The following TTLL10 variants were observed in gnomAD, a reference collection of about 807,000 sequenced individuals.
TTLL10 encodes inactive polyglycylase TTLL10.
A neutral mutation model predicts 69.0 loss-of-function variants in TTLL10; 61 were observed. That is an observed-to-expected ratio of 0.88 (90% confidence interval 0.72 to 1.09). The LOEUF is 1.09. Among genes scored for constraint, TTLL10 ranks in the 50% least tolerant of loss-of-function variants. The probability of loss-of-function intolerance (pLI) is 0.00; values close to 1 mark genes in which losing one functional copy is unlikely to be tolerated. For synonymous variants in TTLL10, 408 were observed against 393.3 expected, an observed-to-expected ratio of 1.04 and a Z score of -0.44; for missense variants, 962 against 945.9, an observed-to-expected ratio of 1.02 and a Z score of -0.22.
chr1:1,197,873 C>T lies in TTLL10; in HGVS notation c.*26C>T, dbSNP rs1648362420. 1.4e-6 allele frequency: 2 copies of T among 1,400,154 alleles called. No homozygotes were observed. The highest frequency in any genetic ancestry group is 1.5e-5 in the African/African-American group (1 of 65,078). 86.7% of individuals were successfully genotyped at this position (1,400,154 alleles called of 1,614,324 possible). On this transcript the variant is annotated 3_prime_UTR_variant, in exon 16 of 16. Transcript: ENST00000379289. ...GGGCAGCCACCCGCGCCCAGCGCCCCGCGCCCCGCGCCCCAGCCGTGCTGC... is the reference window on the plus strand; with the variant it reads ...GGGCAGCCACCCGCGCCCAGCGCCCTGCGCCCCGCGCCCCAGCCGTGCTGC...
At position 1,197,080 on chromosome 1, in the gene TTLL10, G is replaced by A; in HGVS notation, c.1519-13G>A. 1.3e-6 allele frequency: 2 copies of A among 1,551,134 alleles called. No homozygotes were observed. Among genetic ancestry groups the A allele is most frequent in the Non-Finnish European group, 8.7e-7 (1 of 1,146,710 alleles). On this transcript the variant is annotated splice_polypyrimidine_tract_variant and intron_variant, in intron 14 of 15. Coordinates refer to ENST00000379289, the MANE Select transcript of TTLL10 (RefSeq NM_001130045.2). ...GCTCGGGGTGAGGAGGGACTGACTG[G>A]CGTCTGGGGCAGGTATGGCTGCTGG...
rs12745253 is a variant in TTLL10, at chr1:1,180,953, C to T, written c.755+93C>T. 153 of 1,227,872 alleles carry T rather than the reference C, an allele frequency of 1.2e-4. No homozygotes were observed. In the African/African-American group the frequency reaches 2.2e-3, roughly 18 times the overall value. 76.1% of individuals were successfully genotyped at this position (1,227,872 alleles called of 1,614,324 possible). A position where few individuals can be genotyped will look rare whatever the true frequency, so the allele number is the denominator to read the frequency against. On this transcript the variant is annotated intron_variant, in intron 8 of 15. Transcript: ENST00000379289. ...TGCACCCGCCCCACCCCTGCCCCTG[C>T]GCCCGCCCCTGCCCTTGCCCCTGCC...
chr1:1,190,202 T>C (rs1196454367), intron 13 of TTLL10, among the ~76,000 whole-genome samples: 2 of 151,622 alleles, frequency 1.3e-5, no homozygotes, highest in Non-Finnish European at 2.9e-5. Flanking sequence ...TTTTAATCAA[T>C]ATAAAGTCTT....
Position 1,179,748 on chromosome 1 carries a change from T to C in TTLL10, c.199+11T>C. 3 of 1,543,360 alleles carry C rather than the reference T, an allele frequency of 1.9e-6. No individual in the cohort carries two copies. The highest frequency in any genetic ancestry group is 2.6e-6 in the Non-Finnish European group (3 of 1,143,892). ...GCCACTGCCCTGTTGGTGAGGAGGG[T>C]CGGAGGGGCGACCTCCCTGCCCCCT... is the stretch of plus-strand genomic sequence containing the variant. On this transcript the variant is annotated intron_variant, in intron 5 of 15. Coordinates refer to ENST00000379289, the MANE Select transcript of TTLL10 (RefSeq NM_001130045.2).
At chr1:1,196,853 T>A in intron 14 of TTLL10, 137 bp downstream of exon 14, 1 of 777,912 alleles carries the variant, frequency 1.3e-6, no homozygotes. Flanking sequence ...GCCCTGGGGA[T>A]GGGTGTATCC....
At chr1:1,180,677 T>C in intron 7 of TTLL10, 54 bp from the exon 8 acceptor site, 2 of 1,566,980 alleles carry the variant, frequency 1.3e-6, no homozygotes, top group East Asian at 4.8e-5. Flanking sequence ...GTTGGAGGGG[T>C]GGGGACCGAG....
intron 13 of TTLL10, among the ~76,000 whole-genome samples, chr1:1,187,197 G>A (rs1014103373): frequency 2.0e-5 from 3 of 152,106 alleles, no homozygotes; most frequent in African/African-American, 4.8e-5. Context: ...CATATGATTT[G>A]CCAATATTTT....
At position 1,190,972 on chromosome 1, in the gene TTLL10, C is replaced by A. The variant is rs573494095; in HGVS notation, c.1402-5628C>A. Among the ~76,000 whole-genome samples, 648 of 152,204 alleles carry A rather than the reference C, an allele frequency of 4.3e-3. 7 individuals carry two copies. The highest frequency in any genetic ancestry group is 0.015 in the African/African-American group (605 of 41,514). On this transcript the variant is annotated intron_variant, in intron 13 of 15. Transcript: ENST00000379289. ...TCCCGAGTAGCTGGGATTACAGGCA[C>A]CTGCCACCACGCCTGGCTAATTTTG...
At chr1:1,186,665 TA>T (rs1173571465) in intron 13 of TTLL10, among the ~76,000 whole-genome samples, 1 of 152,174 alleles carries the variant, frequency 6.6e-6, no homozygotes, top group Non-Finnish European at 1.5e-5. Flanking sequence ...CTTTCTTTAT[TA>T]AAGAATCACC....
chr1:1,184,375 G>A (rs1464700127), intron 12 of TTLL10, among the ~76,000 whole-genome samples: 1 of 152,242 alleles, frequency 6.6e-6, no homozygotes, highest in Non-Finnish European at 1.5e-5. Flanking sequence ...TGGCTCCCAA[G>A]CCGCAGCTGA....
Position 1,185,229 on chromosome 1 carries a change from G to A in TTLL10, c.1401+120G>A. 3.3e-6 allele frequency: 5 copies of A among 1,499,662 alleles called. No individual in the cohort carries two copies. The highest frequency in any genetic ancestry group is 4.4e-6 in the Non-Finnish European group (5 of 1,125,230). 92.9% of individuals were successfully genotyped at this position (1,499,662 alleles called of 1,614,324 possible). Reference sequence around the variant, plus strand: ...TGCGTGGGCGGCTGCGCTGAAGTGTGACCTGACCGTGTGGAACCAAACCCT... The same window carrying A: ...TGCGTGGGCGGCTGCGCTGAAGTGTAACCTGACCGTGTGGAACCAAACCCT... On this transcript the variant is annotated intron_variant, in intron 13 of 15. Transcript: ENST00000379289. This position sits in a 1 kb window ranked among gnomAD's most constrained non-coding sequence, Gnocchi z 6.1.
intron 15 of TTLL10, 76 bp from the exon 16 acceptor site, chr1:1,197,362 A>ACCC: frequency 3.5e-6 from 1 of 289,678 alleles, no homozygotes; most frequent in Non-Finnish European, 5.8e-6. Flanking sequence ...CCTGGGTCCC[A>ACCC]CCCCTCACAC....
intron 13 of TTLL10, among the ~76,000 whole-genome samples, chr1:1,193,281 C>T (rs1048825666): frequency 3.3e-5 from 5 of 151,996 alleles, no homozygotes; most frequent in East Asian, 1.9e-4. Flanking sequence ...GCCAAGATTG[C>T]GCCATTGCAC....
intron 13 of TTLL10, among the ~76,000 whole-genome samples, chr1:1,187,815 G>A (rs182404734): frequency 1.8e-4 from 27 of 151,614 alleles, no homozygotes; most frequent in Admixed American, 3.3e-4. Context: ...TGAGGCAAGC[G>A]AATCACTTGA....
rs759513559 is a variant in TTLL10 at position 1,180,086 on chromosome 1, T to C, written c.252T>C (p.Cys84=). 2.7e-5 allele frequency: 43 copies of C among 1,605,998 alleles called. 1 individual carries two copies. The South Asian group carries it at 4.8e-4, about 18-fold the overall frequency. ...MGSSQEEGLR[C]QPSQPDHDAD... ...GCAGCCAGGAGGAGGGACTCCGGTG[T>C]CAGCCAAGCCAGCCAGACCACGACG... The change falls in exon 6 of 16, where the codon TGT becomes TGC. Residue 84 remains cysteine (C), a synonymous_variant. Coordinates refer to ENST00000379289, the MANE Select transcript of TTLL10 (RefSeq NM_001130045.2).
chr1:1,197,304 G>A, intron 15 of TTLL10, 118 bp downstream of exon 15: 3 of 1,321,452 alleles, frequency 2.3e-6, no homozygotes, highest in Non-Finnish European at 3.1e-6. Context: ...CCGAGGGCCT[G>A]TGTGGCAGCG....
rs1378696866 is a variant in TTLL10, at chr1:1,186,950, C to G, written c.1401+1841C>G. Among the ~76,000 whole-genome samples, 10 of 151,624 alleles carry G rather than the reference C, an allele frequency of 6.6e-5. 2 individuals are homozygous for G. In the South Asian group the frequency reaches 1.9e-3, roughly 29 times the overall value. On this transcript the variant is annotated intron_variant, in intron 13 of 15. Transcript: ENST00000379289. ...CAAGCTCCGCCTCCCGGGTTCACGC[C>G]ATTCTCCTGCCTCAGCCTCCCGAGT...
chr1:1,196,675 G>C lies in TTLL10; in HGVS notation c.1477G>C (p.Asp493His). The change falls in exon 14 of 16, where the codon GAC becomes CAC. Residue 493 changes from aspartate (D) to histidine (H), a missense_variant. Transcript: ENST00000379289. ...GCTGGACTGCAAGCTGGGTTACTTT[G>C]ACCTCATTGGCTGTGACTTCCTGAT... ...PKLDCKLGYF[D>H]LIGCDFLIDD... is the part of the protein sequence containing the mutation. The C allele has an allele frequency of 6.4e-7, 1 of 1,552,058 alleles. No homozygotes were observed. The highest frequency in any genetic ancestry group is 8.7e-7 in the Non-Finnish European group (1 of 1,147,018).
chr1:1,185,663 G>C lies in TTLL10; in HGVS notation c.1401+554G>C. ...TGAAACTGGGATAAAAACGGGGCTT[G>C]GCCGAAGGACTTTTATCTGTCTTGG... On this transcript the variant is annotated intron_variant, in intron 13 of 15. Transcript: ENST00000379289. This position sits in a 1 kb window ranked among gnomAD's most constrained non-coding sequence, Gnocchi z 6.1. 1 of 985,624 alleles carries C rather than the reference G, an allele frequency of 1.0e-6. No individual in the cohort carries two copies. The highest frequency in any genetic ancestry group is 1.2e-6 in the Non-Finnish European group (1 of 830,070). The allele number at this position is 985,624 out of a possible 1,614,324, so 61.1% of individuals were successfully genotyped here. A position where few individuals can be genotyped will look rare whatever the true frequency, so the allele number is the denominator to read the frequency against.
Sources: gnomAD v4.1 joint callset for allele counts (sites outside exome capture counted in the v4.1 genomes callset) on GRCh38, gnomAD v4.1.1 for gene constraint, Gnocchi (gnomAD v3.1) non-coding constraint, MANE v1.5 for transcripts, NCBI Gene and HGNC (gene_info 2026-07-23, HGNC 2026-07-21) for gene names.